TNFRSF19: variants seen among roughly 807,000 people sequenced by gnomAD.
TNFRSF19 encodes the protein TNF receptor superfamily member 19.
Under a neutral mutation model 46.4 loss-of-function variants are expected in TNFRSF19, and 27 were observed. The observed-to-expected ratio is 0.58, with a 90% CI of 0.43 to 0.80. The LOEUF (loss-of-function observed/expected upper bound fraction) is 0.80. Ranked by LOEUF, TNFRSF19 falls within the 30% of genes least tolerant of loss-of-function variation. The pLI, the probability that TNFRSF19 is intolerant of heterozygous loss-of-function variation, is 0.00. For synonymous variants in TNFRSF19, 204 were observed against 205.0 expected (o/e 1.00, Z 0.04); for missense variants, 511 against 530.8 (o/e 0.96, Z 0.37).
intron 7 of TNFRSF19, among the ~76,000 whole-genome samples, chr13:23,660,757 G>A (rs1379193989): frequency 1.3e-5 from 2 of 152,116 alleles, no homozygotes; most frequent in Non-Finnish European, 2.9e-5. Flanking sequence ...CTTGTTTTGA[G>A]TCAGTTTATT....
At chr13:23,664,027 T>C (rs762346191) in intron 7 of TNFRSF19, among the ~76,000 whole-genome samples, 23 of 152,170 alleles carry the variant, frequency 1.5e-4, no homozygotes, top group Non-Finnish European at 3.1e-4. Context: ...TTATTTCTTG[T>C]CTTCTGCTGG....
intron 5 of TNFRSF19, among the ~76,000 whole-genome samples, chr13:23,651,354 C>G (rs1426863229): frequency 1.3e-5 from 2 of 152,084 alleles, no homozygotes; most frequent in Non-Finnish European, 2.9e-5. Flanking sequence ...TTGCTAATTG[C>G]TAATTGAATT....
At chr13:23,612,712 A>G (rs919133250) in intron 3 of TNFRSF19, among the ~76,000 whole-genome samples, 2 of 152,238 alleles carry the variant, frequency 1.3e-5, no homozygotes, top group Non-Finnish European at 2.9e-5. Context: ...AAATTTCCCA[A>G]ATAAACAGTC....
intron 9 of TNFRSF19, chr13:23,669,451 T>C (rs763775512): frequency 2.6e-5 from 26 of 982,420 alleles, no homozygotes; most frequent in Non-Finnish European, 2.9e-5. Flanking sequence ...TATATACTTA[T>C]TATTATATAT....
At chr13:23,666,558 T>G (rs759736747) in intron 7 of TNFRSF19, among the ~76,000 whole-genome samples, 1 of 152,264 alleles carries the variant, frequency 6.6e-6, no homozygotes, top group Non-Finnish European at 1.5e-5. Flanking sequence ...TGTGCCATTT[T>G]GACATGTCCG....
intron 3 of TNFRSF19, among the ~76,000 whole-genome samples, chr13:23,613,854 A>G (rs574645451): frequency 7.9e-5 from 12 of 152,196 alleles, no homozygotes; most frequent in Non-Finnish European, 1.8e-4. Flanking sequence ...CAGAGTCACA[A>G]TGATCACCCC....
chr13:23,577,016 G>C (rs766857392), intron 1 of TNFRSF19, among the ~76,000 whole-genome samples: 1 of 152,222 alleles, frequency 6.6e-6, no homozygotes, highest in Admixed American at 6.5e-5. Flanking sequence ...TTTAGTAAGT[G>C]CTAGGCATTG....
At position 23,602,321 on chromosome 13, in the gene TNFRSF19, TA is replaced by T. The variant is rs1017186512; in HGVS notation, c.180+8868del. Among the ~76,000 whole-genome samples the T allele has an allele frequency of 1.5e-3, 230 of 152,270 alleles. 4 individuals carry two copies. The highest frequency in any genetic ancestry group is 5.3e-3 in the African/African-American group (219 of 41,568). Reference sequence around the variant, plus strand: ...GAGCTAATTGTCTAAGAAATTATAATAATCTTTAATGGGTATGCCCCTAGCA... The same window carrying T: ...GAGCTAATTGTCTAAGAAATTATAATATCTTTAATGGGTATGCCCCTAGCA... On this transcript the variant is annotated intron_variant, in intron 3 of 9. Coordinates refer to ENST00000248484, the MANE Select transcript of TNFRSF19 (RefSeq NM_148957.4).
intron 5 of TNFRSF19, among the ~76,000 whole-genome samples, chr13:23,651,347 C>A (rs1370574463): frequency 1.3e-5 from 2 of 151,962 alleles, no homozygotes; most frequent in African/African-American, 4.8e-5. Context: ...GTACTTATTG[C>A]TAATTGCTAA....
In TNFRSF19 at chr13:23,655,920, A is replaced by C. The variant is rs59039754; in HGVS notation, c.446-3130A>C. On this transcript the variant is annotated intron_variant, in intron 5 of 9. Coordinates refer to ENST00000248484, the MANE Select transcript of TNFRSF19 (RefSeq NM_148957.4). ...ATCTCCTATTTATGTCTGCATTGCT[A>C]TATGTGACAAAGCTAAAAATGATGA... 3.6e-3 allele frequency among the ~76,000 whole-genome samples: 553 copies of C among 152,334 alleles called. 11 individuals are homozygous for C. The East Asian group carries it at 0.083, about 23-fold the overall frequency.
chr13:23,581,337 A>G (rs1878417096), intron 1 of TNFRSF19, among the ~76,000 whole-genome samples: 2 of 151,978 alleles, frequency 1.3e-5, no homozygotes, highest in Admixed American at 6.6e-5. Flanking sequence ...TAGTAGAGAC[A>G]GGGTTTCACC....
At chr13:23,668,217 T>G (rs992537091) in intron 8 of TNFRSF19, 135 bp downstream of exon 8, 2 of 858,520 alleles carry the variant, frequency 2.3e-6, no homozygotes, top group Non-Finnish European at 3.5e-6. Context: ...ATTGGTGGGG[T>G]GCAGTTCTCA....
At chr13:23,629,591 A>G (rs1882225962) in intron 5 of TNFRSF19, among the ~76,000 whole-genome samples, 1 of 152,174 alleles carries the variant, frequency 6.6e-6, no homozygotes, top group Admixed American at 6.5e-5. Flanking sequence ...CTGTGGTTGT[A>G]TTGCCAGAAG....
chr13:23,626,285 T>G (rs1013085336), intron 4 of TNFRSF19, among the ~76,000 whole-genome samples: 4 of 152,012 alleles, frequency 2.6e-5, no homozygotes, highest in African/African-American at 9.7e-5. Flanking sequence ...AAGACATTCC[T>G]GTATCAAGAT....
At chr13:23,589,013 C>T (rs895557885) in intron 1 of TNFRSF19, among the ~76,000 whole-genome samples, 1 of 152,208 alleles carries the variant, frequency 6.6e-6, no homozygotes, top group African/African-American at 2.4e-5. Context: ...CAGCTCTGCC[C>T]CCTCTGCCTC....
intron 5 of TNFRSF19, among the ~76,000 whole-genome samples, chr13:23,641,708 T>C (rs1043007363): frequency 3.9e-5 from 6 of 152,248 alleles, no homozygotes; most frequent in African/African-American, 1.2e-4. Context: ...CTTATTGTTA[T>C]ATAACATTGC....
intron 5 of TNFRSF19, among the ~76,000 whole-genome samples, chr13:23,647,342 A>G (rs1883393148): frequency 6.6e-6 from 1 of 152,108 alleles, no homozygotes; most frequent in Non-Finnish European, 1.5e-5. Flanking sequence ...TGTATATTTA[A>G]GAAACCATTC....
chr13:23,653,562 G>A (rs1883785723), intron 5 of TNFRSF19, among the ~76,000 whole-genome samples: 1 of 152,192 alleles, frequency 6.6e-6, no homozygotes, highest in South Asian at 2.1e-4. Context: ...TCCAGCAGCT[G>A]AGGTGCAGTC....
intron 4 of TNFRSF19, among the ~76,000 whole-genome samples, chr13:23,624,785 T>C (rs1881882044): frequency 6.6e-6 from 1 of 151,902 alleles, no homozygotes; most frequent in Non-Finnish European, 1.5e-5. Context: ...AGTTTCACTC[T>C]TGTTGCCCAG....
Sources: gnomAD v4.1 joint callset for allele counts (sites outside exome capture counted in the v4.1 genomes callset) on GRCh38, gnomAD v4.1.1 for gene constraint, MANE v1.5 for transcripts, NCBI Gene and HGNC (gene_info 2026-07-23, HGNC 2026-07-21) for gene names.